The following TAF7L variants were observed in gnomAD, a reference collection of about 807,000 sequenced individuals.
The protein encoded by TAF7L is transcription initiation factor TFIID subunit 7-like.
Under a neutral mutation model 30.2 loss-of-function variants are expected in TAF7L, and 6 were observed. That is an observed-to-expected ratio of 0.20 (90% CI 0.11 to 0.39). The LOEUF (loss-of-function observed/expected upper bound fraction) is 0.39. Ranked by LOEUF, TAF7L falls within the 10% of genes least tolerant of loss-of-function variation. The pLI, the probability that TAF7L is intolerant of heterozygous loss-of-function variation, is 1.00. For missense variants in TAF7L, 284 were observed against 277.1 expected (o/e 1.03, Z -0.18); for synonymous variants, 93 against 94.5 (o/e 0.98, Z 0.09).
intron 1 of TAF7L, among the ~76,000 whole-genome samples, chrX:101,290,386 G>A (rs995786073): frequency 1.8e-5 from 2 of 111,678 alleles, no homozygotes; most frequent in South Asian, 7.4e-4. Context: ...AGAGTTGATC[G>A]AAATAAATAA....
rs1051451568 is a variant in TAF7L, at chrX:101,291,325, A to G, written c.-104T>C. On this transcript the variant is annotated 5_prime_UTR_variant, in exon 1 of 13. Coordinates refer to ENST00000356784, the MANE Select transcript of TAF7L (RefSeq NM_001168474.2). ...GCGCGTGGGCTCCCGCGCGGAACGT[A>G]GAGGCGAACGCTGGGCTGCCGGCGC... The G allele has an allele frequency of 3.9e-4, 296 of 751,138 alleles. No individual in the cohort carries two copies. Among genetic ancestry groups the G allele is most frequent in the South Asian group, 1.8e-3 (27 of 14,689 alleles). The allele number at this position is 751,138 out of a possible 1,213,427, so 61.9% of individuals were successfully genotyped here. A position where few individuals can be genotyped will look rare whatever the true frequency, so the allele number is the denominator to read the frequency against.
intron 12 of TAF7L, among the ~76,000 whole-genome samples, chrX:101,272,319 T>C (rs972379387): frequency 2.7e-5 from 3 of 112,083 alleles, no homozygotes; most frequent in African/African-American, 9.7e-5. Flanking sequence ...TTAAAGTATA[T>C]TCTCTAATAT....
intron 12 of TAF7L, among the ~76,000 whole-genome samples, chrX:101,270,397 T>C (rs1437704641): frequency 9.0e-6 from 1 of 110,904 alleles, no homozygotes; most frequent in African/African-American, 3.3e-5. Flanking sequence ...TGACCCCTGA[T>C]TGACCATGAT....
intron 10 of TAF7L, 91 bp downstream of exon 10, chrX:101,276,216 T>G: frequency 1.3e-5 from 15 of 1,186,472 alleles, no homozygotes; most frequent in Admixed American, 2.3e-5. Flanking sequence ...GATAACTTCT[T>G]GAGCTTAGCT....
chrX:101,286,377 C>G (rs1344229247), intron 3 of TAF7L, among the ~76,000 whole-genome samples, 198 bp downstream of exon 3: 2 of 110,751 alleles, frequency 1.8e-5, no homozygotes, highest in Non-Finnish European at 3.8e-5. Context: ...GATAATCACT[C>G]AACTCAAGGT....
chrX:101,276,238 G>A, intron 10 of TAF7L, 69 bp downstream of exon 10: 1 of 1,199,493 alleles, frequency 8.3e-7, no homozygotes, highest in African/African-American at 1.7e-5. Context: ...TGAGTCTAAT[G>A]TATGCTTAGA....
At chrX:101,285,916 C>T (rs1924570952) in intron 3 of TAF7L, among the ~76,000 whole-genome samples, 1 of 111,673 alleles carries the variant, frequency 9.0e-6, no homozygotes, top group Non-Finnish European at 1.9e-5. Flanking sequence ...GGCACGGTGG[C>T]TCACGCCTGT....
chrX:101,269,967 G>T lies in TAF7L; in HGVS notation c.1087-730C>A, dbSNP rs191777238. On this transcript the variant is annotated intron_variant, in intron 12 of 12. Transcript: ENST00000356784. ...ATTCTAAGAGTCAGATGATAAAACA[G>T]TTGGGACACTCTCTTGTCCCAATGA... 4.3e-3 allele frequency among the ~76,000 whole-genome samples: 485 copies of T among 111,782 alleles called. 3 individuals carry two copies. The highest frequency in any genetic ancestry group is 0.015 in the African/African-American group (468 of 30,802).
rs925120787 is a variant in TAF7L, at chrX:101,269,210, G to A, written c.1114C>T (p.Arg372Cys). Residue 372 changes from arginine to cysteine, a missense_variant, in exon 13 of 13, where the codon CGT becomes TGT. By Grantham distance (180) the Arg-to-Cys change is radical (BLOSUM62 -3). Transcript: ENST00000356784. ...KLISLQEQLQ[R>C]FLKK ...GGCTCTCCTCACTTCTTCAGAAAAC[G>A]CTGCAACTGTTCCTGTAGGGAAATG... The A allele has an allele frequency of 4.1e-6, 5 of 1,209,219 alleles. No individual in the cohort carries two copies. The highest frequency in any genetic ancestry group is 3.5e-5 in the South Asian group (2 of 56,345).
At chrX:101,288,257 TCA>T (rs1367516316) in intron 1 of TAF7L, among the ~76,000 whole-genome samples, 1 of 109,107 alleles carries the variant, frequency 9.2e-6, no homozygotes, top group African/African-American at 3.3e-5. Context: ...TTCTCCTGCC[TCA>T]GTCTCCCAAG....
chrX:101,292,199 A>T (rs1221594688), upstream of TAF7L, among the ~76,000 whole-genome samples: 1 of 97,634 alleles, frequency 1.0e-5, no homozygotes, highest in Non-Finnish European at 2.0e-5. Flanking sequence ...AGATCCCGCC[A>T]CTGCACTCCA....
At chrX:101,283,677 G>A (rs1924490142) in intron 3 of TAF7L, 94 bp from the exon 4 acceptor site, 1 of 943,050 alleles carries the variant, frequency 1.1e-6, no homozygotes, top group East Asian at 3.1e-5. Context: ...GGACAGATTA[G>A]TCTTTCCAAG....
Position 101,277,626 on chromosome X carries a change from T to C in TAF7L, c.671A>G (p.Lys224Arg), listed in dbSNP as rs774413092. 8.4e-7 allele frequency: 1 copy of C among 1,195,709 alleles called. No homozygotes were observed. The highest frequency in any genetic ancestry group is 1.1e-6 in the Non-Finnish European group (1 of 888,147). ...AGTACCTGACGAGGTATGACCCTGCTTGTGGCTGCTCATTCCCGAGGATAT... is the reference window on the plus strand; with the variant it reads ...AGTACCTGACGAGGTATGACCCTGCCTGTGGCTGCTCATTCCCGAGGATAT... ...FLISSGMSSH[K>R]QGHTSSEYDM... The change falls in exon 9 of 13, where the codon AAG (lysine) becomes AGG (arginine). Residue 224 changes from lysine to arginine, a missense_variant. Coordinates refer to ENST00000356784, the MANE Select transcript of TAF7L (RefSeq NM_001168474.2).
At chrX:101,269,756 C>T (rs1370906497) in intron 12 of TAF7L, among the ~76,000 whole-genome samples, 2 of 111,425 alleles carry the variant, frequency 1.8e-5, no homozygotes, top group Non-Finnish European at 3.8e-5. Context: ...CAGGTGCCTC[C>T]CACAACACGT....
intron 8 of TAF7L, 34 bp downstream of exon 8, chrX:101,278,015 C>G (rs201023362): frequency 1.7e-6 from 2 of 1,166,520 alleles, no homozygotes; most frequent in South Asian, 3.6e-5. Flanking sequence ...TGGGGCAGAA[C>G]AGACTATGCA....
intron 2 of TAF7L, among the ~76,000 whole-genome samples, 180 bp from the exon 3 acceptor site, chrX:101,286,833 C>G (rs1432509334): frequency 1.8e-5 from 2 of 112,081 alleles, no homozygotes; most frequent in Non-Finnish European, 3.8e-5. Context: ...ATGAAGCTGA[C>G]TCTAAACTCA....
At position 101,285,458 on chromosome X, in the gene TAF7L, A is replaced by G. The variant is rs764048395; in HGVS notation, c.145+1117T>C. Among the ~76,000 whole-genome samples the G allele has an allele frequency of 3.1e-5, 3 of 96,244 alleles. No individual in the cohort carries two copies. The South Asian group carries it at 1.7e-3, about 53-fold the overall frequency. The allele number at this position is 96,244 out of a possible 115,157, so 83.6% of individuals were successfully genotyped here. On this transcript the variant is annotated intron_variant, in intron 3 of 12. Transcript: ENST00000356784. Reference sequence around the variant, plus strand: ...GGTTCCAGTGAGCCAAGATCGCGCCACTGCACTCCAGCCTGGGTGACACAG... The same window carrying G: ...GGTTCCAGTGAGCCAAGATCGCGCCGCTGCACTCCAGCCTGGGTGACACAG...
At chrX:101,271,275 G>A (rs1923955979) in intron 12 of TAF7L, among the ~76,000 whole-genome samples, 1 of 111,689 alleles carries the variant, frequency 9.0e-6, no homozygotes, top group South Asian at 3.7e-4. Flanking sequence ...CTTAACAATG[G>A]GGATATGTTC....
intron 4 of TAF7L, 103 bp from the exon 5 acceptor site, chrX:101,282,556 G>A: frequency 1.1e-6 from 1 of 929,241 alleles, no homozygotes; most frequent in Non-Finnish European, 1.5e-6. Context: ...ACTGATACTT[G>A]CCATTTCCAG....
Sources: gnomAD v4.1 joint callset for allele counts (sites outside exome capture counted in the v4.1 genomes callset) on GRCh38, gnomAD v4.1.1 for gene constraint, MANE v1.5 for transcripts, NCBI Gene and HGNC (gene_info 2026-07-23, HGNC 2026-07-21) for gene names.